Variants in VPS33A observed in about 807,000 individuals in gnomAD.
The protein encoded by VPS33A is VPS33A core subunit of CORVET and HOPS complexes.
VPS33A carries 32 observed loss-of-function variants against 71.8 expected under a neutral mutation model. That is an observed-to-expected ratio of 0.45 (90% confidence interval 0.34 to 0.60). The LOEUF (loss-of-function observed/expected upper bound fraction) is 0.60, where lower values mean the gene tolerates loss of function less well. Among genes scored for constraint, VPS33A ranks in the 20% least tolerant of loss-of-function variants. VPS33A has a pLI of 0.02. For synonymous variants in VPS33A, 311 were observed against 292.7 expected, an observed-to-expected ratio of 1.06 and a Z score of -0.64; for missense variants, 625 against 748.5, an observed-to-expected ratio of 0.84 and a Z score of 1.92.
chr12:122,245,022 A>G (rs185768995), intron 6 of VPS33A, among the ~76,000 whole-genome samples: 15 of 152,318 alleles, frequency 9.8e-5, no homozygotes, highest in Non-Finnish European at 1.0e-4. Context: ...TTCAGGGATT[A>G]GGTCACTTTT....
At chr12:122,258,258 A>G (rs1954945107) in intron 4 of VPS33A, among the ~76,000 whole-genome samples, 1 of 152,032 alleles carries the variant, frequency 6.6e-6, no homozygotes, top group Non-Finnish European at 1.5e-5. Flanking sequence ...TCTTAGAAGG[A>G]AACATCAGAG....
intron 6 of VPS33A, among the ~76,000 whole-genome samples, chr12:122,245,362 T>C (rs918503150): frequency 6.6e-6 from 1 of 152,026 alleles, no homozygotes; most frequent in Non-Finnish European, 1.5e-5. Flanking sequence ...TACTGTGGAT[T>C]GGAATCCAAA....
chr12:122,250,273 T>C (rs1304353211), intron 5 of VPS33A: 2 of 491,306 alleles, frequency 4.1e-6, no homozygotes, highest in Non-Finnish European at 7.2e-6. Flanking sequence ...CAGGTCAGTC[T>C]ATTCTTGTGA....
chr12:122,254,780 G>A lies in VPS33A; in HGVS notation c.484-3681C>T, dbSNP rs566864942. On this transcript the variant is annotated intron_variant, in intron 4 of 12. Transcript: ENST00000267199. ...GTAGAAAATAGTTCTGGCCAGGCGC[G>A]GTGGCTCACGCCTGTAATCCCAGCA... Among the ~76,000 whole-genome samples, 20 of 152,156 alleles carry A rather than the reference G, an allele frequency of 1.3e-4. No individual in the cohort carries two copies. In the South Asian group the frequency reaches 3.5e-3, roughly 27 times the overall value.
At chr12:122,241,966 G>C (rs1954721409) in intron 8 of VPS33A, among the ~76,000 whole-genome samples, 1 of 152,008 alleles carries the variant, frequency 6.6e-6, no homozygotes, top group African/African-American at 2.4e-5. Context: ...GGAGTGCAGT[G>C]GCGTGATGTC....
In VPS33A at chr12:122,231,015, T is replaced by C. The variant is rs1954553415; in HGVS notation, c.*1231A>G. 6.6e-6 allele frequency: 1 copy of C among 152,192 alleles called. No individual in the cohort carries two copies. Among genetic ancestry groups the C allele is most frequent in the Admixed American group, 6.5e-5 (1 of 15,272 alleles). 9.4% of individuals were successfully genotyped at this position (152,192 alleles called of 1,614,324 possible). On this transcript the variant is annotated 3_prime_UTR_variant, in exon 13 of 13. Coordinates refer to ENST00000267199, the MANE Select transcript of VPS33A (RefSeq NM_022916.6). ...GAGTGGCCACAGACTGCTAGAAAAG[T>C]ACACGTGGCAGTTACCATGGAAACG...
In VPS33A at chr12:122,232,384, C is replaced by A. The variant is rs772832211; in HGVS notation, c.1653G>T (p.Gly551=). Reference sequence around the variant, plus strand: ...CAGCAATTTCAGCGAAGGTTACGCCCCCAAGGAAAAATATCAGAGTCACTC... The same window carrying A: ...CAGCAATTTCAGCGAAGGTTACGCCACCAAGGAAAAATATCAGAGTCACTC... ...ENRVTLIFFL[G]GVTFAEIAAL... The change falls in exon 13 of 13, where the codon GGG becomes GGT. Residue 551 remains glycine, a synonymous_variant. Coordinates refer to ENST00000267199, the MANE Select transcript of VPS33A (RefSeq NM_022916.6). 6.8e-6 allele frequency: 11 copies of A among 1,613,812 alleles called. No individual in the cohort carries two copies. The Middle Eastern group carries it at 8.2e-4, about 121-fold the overall frequency.
intron 1 of VPS33A, among the ~76,000 whole-genome samples, chr12:122,265,110 A>G (rs987060036): frequency 2.6e-5 from 4 of 151,966 alleles, no homozygotes; most frequent in Admixed American, 2.0e-4. Flanking sequence ...AGTAGAGATG[A>G]GATTTTGCCA....
At chr12:122,243,246 C>T (rs1210164424) in intron 7 of VPS33A, among the ~76,000 whole-genome samples, 1 of 151,718 alleles carries the variant, frequency 6.6e-6, no homozygotes, top group African/African-American at 2.4e-5. Flanking sequence ...TTCTGTTGAC[C>T]CTCAGTCTTT....
intron 6 of VPS33A, chr12:122,248,105 T>G (rs974578111): frequency 2.0e-5 from 3 of 150,114 alleles, no homozygotes; most frequent in Non-Finnish European, 2.9e-5. Context: ...AGTGATGGGG[T>G]TTCACCACGT....
At chr12:122,265,775 T>C (rs755005635) in intron 1 of VPS33A, 1 of 447,248 alleles carries the variant, frequency 2.2e-6, no homozygotes, top group South Asian at 1.6e-5. Flanking sequence ...TCCTATAAAA[T>C]CTCTGATCTA....
chr12:122,255,054 GAA>G (rs35670853), intron 4 of VPS33A, among the ~76,000 whole-genome samples: 1,938 of 129,740 alleles, frequency 0.015, 35 homozygotes, highest in South Asian at 0.072. Flanking sequence ...CAGTTTCAAG[GAA>G]AAAAAAAAAA....
chr12:122,250,613 T>C (rs1162789940), intron 5 of VPS33A, among the ~76,000 whole-genome samples: 2 of 152,084 alleles, frequency 1.3e-5, no homozygotes, highest in Non-Finnish European at 2.9e-5. Flanking sequence ...AGTCCTACAT[T>C]TGCAGGCCAT....
intron 4 of VPS33A, among the ~76,000 whole-genome samples, chr12:122,259,649 A>G (rs963628923): frequency 6.6e-6 from 1 of 152,154 alleles, no homozygotes; most frequent in Non-Finnish European, 1.5e-5. Context: ...ATGAATGATA[A>G]TATCATTACA....
At chr12:122,253,310 T>C (rs1368789733) in intron 4 of VPS33A, 4 of 152,266 alleles carry the variant, frequency 2.6e-5, no homozygotes, top group African/African-American at 9.7e-5. Context: ...ATCCCAGCAC[T>C]TTGGGAGGCT....
At chr12:122,255,416 G>A (rs889505171) in intron 4 of VPS33A, among the ~76,000 whole-genome samples, 11 of 152,144 alleles carry the variant, frequency 7.2e-5, no homozygotes, top group African/African-American at 2.7e-4. Context: ...GTACAAAAGA[G>A]CCAAGAGGGT....
At position 122,231,957 on chromosome 12, in the gene VPS33A, T is replaced by C; in HGVS notation, c.*289A>G. On this transcript the variant is annotated 3_prime_UTR_variant, in exon 13 of 13. Transcript: ENST00000267199. ...CTGTAGTCCCAGCTACTCAGGAGGC[T>C]GAGGCAGGAGAATTGCTTGAACCTA... 2.5e-6 allele frequency: 1 copy of C among 404,118 alleles called. No individual in the cohort carries two copies. The highest frequency in any genetic ancestry group is 4.3e-6 in the Non-Finnish European group (1 of 230,402). 25.0% of individuals were successfully genotyped at this position (404,118 alleles called of 1,614,324 possible). A position where few individuals can be genotyped will look rare whatever the true frequency, so the allele number is the denominator to read the frequency against.
chr12:122,262,991 CTTTTTTTTTT>C (rs35647648), intron 3 of VPS33A, among the ~76,000 whole-genome samples: 2 of 127,880 alleles, frequency 1.6e-5, no homozygotes, highest in Non-Finnish European at 1.6e-5. Context: ...CAATTACACT[CTTTTTTTTTT>C]TTTTTTTTTG....
At chr12:122,241,448 G>A (rs927433683) in intron 8 of VPS33A, among the ~76,000 whole-genome samples, 2 of 151,924 alleles carry the variant, frequency 1.3e-5, no homozygotes, top group African/African-American at 2.4e-5. Flanking sequence ...GGGATTACAG[G>A]TGCCCGCCAC....
Sources: allele counts gnomAD v4.1 joint callset (sites outside exome capture counted in the v4.1 genomes callset), GRCh38; gene constraint gnomAD v4.1.1; transcripts MANE v1.5; gene names NCBI Gene and HGNC (gene_info 2026-07-23, HGNC 2026-07-21).